IL2RA: variants seen among roughly 807,000 people sequenced by gnomAD.
IL2RA encodes the protein interleukin 2 receptor subunit alpha.
Under a neutral mutation model 37.8 loss-of-function variants are expected in IL2RA, and 24 were observed. The ratio of observed to expected loss-of-function variants is 0.63; its 90% CI spans 0.46 to 0.89. IL2RA has a LOEUF of 0.89. Ranked by LOEUF, IL2RA falls within the 40% of genes least tolerant of loss-of-function variation. The pLI is 0.00. For synonymous variants in IL2RA, 125 were observed against 114.6 expected (o/e 1.09, Z -0.58); for missense variants, 319 against 348.6 (o/e 0.92, Z 0.68).
At chr10:6,055,703 T>C (rs1840032211) in intron 1 of IL2RA, among the ~76,000 whole-genome samples, 1 of 33,002 alleles carries the variant, frequency 3.0e-5, no homozygotes, top group African/African-American at 5.3e-5. Flanking sequence ...TGGCCCGCTC[T>C]CAATGAGCTG....
Position 6,029,545 on chromosome 10 carries a change from A to C in IL2RA, c.65-3520T>G, listed in dbSNP as rs2132864666. 6.6e-6 allele frequency among the ~76,000 whole-genome samples: 1 copy of C among 152,326 alleles called. No individual in the cohort carries two copies. The highest frequency in any genetic ancestry group is 1.5e-5 in the Non-Finnish European group (1 of 68,026). On this transcript the variant is annotated intron_variant, in intron 1 of 7. Transcript: ENST00000379959. This position sits in a 1 kb window ranked among gnomAD's most constrained non-coding sequence, Gnocchi z 4.6. Reference sequence around the variant, plus strand: ...TTTTGTCTATGGCTGCTTTTCTGCTATAATGGCAGAGTTGAGTAGTTGCAG... The same window carrying C: ...TTTTGTCTATGGCTGCTTTTCTGCTCTAATGGCAGAGTTGAGTAGTTGCAG...
At chr10:6,024,577 C>T (rs542794203) in intron 2 of IL2RA, among the ~76,000 whole-genome samples, 49 of 152,152 alleles carry the variant, frequency 3.2e-4, no homozygotes, top group African/African-American at 1.1e-3. Flanking sequence ...TGTTTTTGAG[C>T]GTGTGTATAC....
At position 6,024,318 on chromosome 10, in the gene IL2RA, G is replaced by T. The variant is rs1464908758; in HGVS notation, c.293C>A (p.Pro98His). ...RNTTKQVTPQ[P>H]EEQKERKTTE... ...GGTTTTCCTTTCTTTCTGTTCTTCA[G>T]GTTGAGGTGTCACTTGTTTCGTTGT... Residue 98 changes from proline to histidine, a missense_variant, in exon 3 of 8, where the codon CCT becomes CAT. By Grantham distance (77) the Pro-to-His change is moderately conservative. Transcript: ENST00000379959. 1.2e-6 allele frequency: 2 copies of T among 1,614,110 alleles called. No individual in the cohort carries two copies. The highest frequency in any genetic ancestry group is 3.3e-5 in the Admixed American group (2 of 60,022).
Position 6,047,178 on chromosome 10 carries a change from G to A in IL2RA, c.64+14910C>T, listed in dbSNP as rs1839875576. Among the ~76,000 whole-genome samples, 1 of 152,224 alleles carries A rather than the reference G, an allele frequency of 6.6e-6. No individual in the cohort carries two copies. The highest frequency in any genetic ancestry group is 2.1e-4 in the South Asian group (1 of 4,830). ...GAGGAGGTGCTGAACCCTTGCTGAT[G>A]TGCAGAAGGGGTTAATCAGACCATG... On this transcript the variant is annotated intron_variant, in intron 1 of 7. Coordinates refer to ENST00000379959, the MANE Select transcript of IL2RA (RefSeq NM_000417.3). This position sits in a 1 kb window ranked among gnomAD's most constrained non-coding sequence, Gnocchi z 5.0.
At chr10:6,019,596 C>A in intron 5 of IL2RA, 97 bp from the exon 6 acceptor site, 1 of 956,554 alleles carries the variant, frequency 1.0e-6, no homozygotes, top group South Asian at 1.3e-5. Context: ...ATGAGAAGCT[C>A]AGAGGCTGGT....
chr10:6,020,099 C>T lies in IL2RA; in HGVS notation c.584-158G>A, dbSNP rs1020866512. 1.3e-5 allele frequency among the ~76,000 whole-genome samples: 2 copies of T among 152,292 alleles called. No homozygotes were observed. Among genetic ancestry groups the T allele is most frequent in the East Asian group, 1.9e-4 (1 of 5,182 alleles). On this transcript the variant is annotated intron_variant, in intron 4 of 7. Coordinates refer to ENST00000379959, the MANE Select transcript of IL2RA (RefSeq NM_000417.3). The surrounding 1 kb of genome is among the most constrained non-coding windows in gnomAD (Gnocchi z 5.6). The stretch of plus-strand genomic sequence containing the variant: ...AGGGATGCCACCCCTCATGGTTCCA[C>T]AGCAGGGGCACTGGGAAGCGGTGAA...
Position 6,035,037 on chromosome 10 carries a change from G to C in IL2RA, c.65-9012C>G, listed in dbSNP as rs533660105. Among the ~76,000 whole-genome samples, 1 of 152,338 alleles carries C rather than the reference G, an allele frequency of 6.6e-6. No homozygotes were observed. The highest frequency in any genetic ancestry group is 1.9e-4 in the East Asian group (1 of 5,186). The stretch of plus-strand genomic sequence containing the variant: ...GATGATCAATTCGGGAGTTGGAGGT[G>C]GGGGTGTAGGGTGGTAAACACTCAA... On this transcript the variant is annotated intron_variant, in intron 1 of 7. Coordinates refer to ENST00000379959, the MANE Select transcript of IL2RA (RefSeq NM_000417.3). This position sits in a 1 kb window ranked among gnomAD's most constrained non-coding sequence, Gnocchi z 5.4.
chr10:6,061,302 G>A (rs41294931), intron 1 of IL2RA, among the ~76,000 whole-genome samples: 2,154 of 151,946 alleles, frequency 0.014, 48 homozygotes, highest in South Asian at 0.099. Flanking sequence ...TGGGAGGATC[G>A]CTAAGCCTGG....
chr10:6,048,418 A>G lies in IL2RA; in HGVS notation c.64+13670T>C, dbSNP rs1199422861. Among the ~76,000 whole-genome samples, 1 of 152,172 alleles carries G rather than the reference A, an allele frequency of 6.6e-6. No homozygotes were observed. Among genetic ancestry groups the G allele is most frequent in the South Asian group, 2.1e-4 (1 of 4,832 alleles). The stretch of plus-strand genomic sequence containing the variant: ...AGGGAGGACAGTTCTGGATGTGTAG[A>G]CTGAGCAGCCTGTGAGGCATCCACA... On this transcript the variant is annotated intron_variant, in intron 1 of 7. Transcript: ENST00000379959. The surrounding 1 kb of genome is among the most constrained non-coding windows in gnomAD (Gnocchi z 5.3).
At chr10:6,031,483 T>C (rs1480969654) in intron 1 of IL2RA, among the ~76,000 whole-genome samples, 1 of 32,014 alleles carries the variant, frequency 3.1e-5, no homozygotes, top group African/African-American at 1.4e-4. Context: ...TATATATATA[T>C]ATATATATAT....
intron 1 of IL2RA, among the ~76,000 whole-genome samples, chr10:6,041,617 A>G (rs1169327290): frequency 6.6e-6 from 1 of 152,198 alleles, no homozygotes; most frequent in African/African-American, 2.4e-5. Context: ...AATATAAATC[A>G]ATTAAGCTTG....
chr10:6,045,770 G>A (rs1839843792), intron 1 of IL2RA, among the ~76,000 whole-genome samples: 1 of 152,182 alleles, frequency 6.6e-6, no homozygotes, highest in Admixed American at 6.5e-5. Flanking sequence ...AGAAACTGGA[G>A]CGAGGAGCTG....
At chr10:6,031,455 CATATATAT>C (rs869288057) in intron 1 of IL2RA, among the ~76,000 whole-genome samples, 5 of 67,176 alleles carry the variant, frequency 7.4e-5, no homozygotes, top group African/African-American at 3.3e-4. Flanking sequence ...TATATATATA[CATATATAT>C]ATATATATAT....
chr10:6,047,325 G>A lies in IL2RA; in HGVS notation c.64+14763C>T, dbSNP rs780032806. Among the ~76,000 whole-genome samples the A allele has an allele frequency of 2.7e-4, 41 of 152,186 alleles. No individual in the cohort carries two copies. Among genetic ancestry groups the A allele is most frequent in the African/African-American group, 7.7e-4 (32 of 41,448 alleles). ...GTGTGGCCTGTGCCACACTCAGAAC[G>A]CGGGATGAACATAGAGGAAACACTA... is the stretch of plus-strand genomic sequence containing the variant. On this transcript the variant is annotated intron_variant, in intron 1 of 7. Transcript: ENST00000379959. This position sits in a 1 kb window ranked among gnomAD's most constrained non-coding sequence, Gnocchi z 5.0.
chr10:6,024,468 G>C, intron 2 of IL2RA, 114 bp from the exon 3 acceptor site: 1 of 775,166 alleles, frequency 1.3e-6, no homozygotes, highest in Non-Finnish European at 2.2e-6. Context: ...CGATGTGTCT[G>C]GTGGTGTCTG....
At chr10:6,051,846 A>T (rs1379527775) in intron 1 of IL2RA, among the ~76,000 whole-genome samples, 120 of 15,352 alleles carry the variant, frequency 7.8e-3, no homozygotes, top group East Asian at 0.016. Flanking sequence ...TATATATAGA[A>T]TTTTTTAAGG....
chr10:6,020,010 T>C lies in IL2RA; in HGVS notation c.584-69A>G. On this transcript the variant is annotated intron_variant, in intron 4 of 7. Transcript: ENST00000379959. This position sits in a 1 kb window ranked among gnomAD's most constrained non-coding sequence, Gnocchi z 5.6. ...GTCAGGGCCTCACTCCCACCCCGCCTGCCCCAGGCAGCCGGCCCCAGACAC... is the reference window on the plus strand; with the variant it reads ...GTCAGGGCCTCACTCCCACCCCGCCCGCCCCAGGCAGCCGGCCCCAGACAC... 1 of 1,378,708 alleles carries C rather than the reference T, an allele frequency of 7.3e-7. No homozygotes were observed. Among genetic ancestry groups the C allele is most frequent in the Non-Finnish European group, 1.0e-6 (1 of 966,548 alleles). 85.4% of individuals were successfully genotyped at this position (1,378,708 alleles called of 1,614,324 possible). A position where few individuals can be genotyped will look rare whatever the true frequency, so the allele number is the denominator to read the frequency against.
rs114437515 is a variant in IL2RA, at chr10:6,021,029, C to G, written c.583+449G>C. 1.3e-5 allele frequency among the ~76,000 whole-genome samples: 2 copies of G among 152,014 alleles called. No homozygotes were observed. The highest frequency in any genetic ancestry group is 2.4e-5 in the African/African-American group (1 of 41,380). Reference sequence around the variant, plus strand: ...TTACAAGCTCAGCTGGGGAATGGCACAAGGGGAAGGAACATGCTGACCGTG... The same window carrying G: ...TTACAAGCTCAGCTGGGGAATGGCAGAAGGGGAAGGAACATGCTGACCGTG... On this transcript the variant is annotated intron_variant, in intron 4 of 7. Transcript: ENST00000379959. This position sits in a 1 kb window ranked among gnomAD's most constrained non-coding sequence, Gnocchi z 4.9.
chr10:6,026,329 G>A (rs900721345), intron 1 of IL2RA, among the ~76,000 whole-genome samples: 1 of 152,194 alleles, frequency 6.6e-6, no homozygotes, highest in Non-Finnish European at 1.5e-5. Flanking sequence ...TATGGAGAGA[G>A]GAGGGTCAAG....
Sources: allele counts gnomAD v4.1 joint callset (sites outside exome capture counted in the v4.1 genomes callset), GRCh38; gene constraint gnomAD v4.1.1; non-coding constraint Gnocchi (gnomAD v3.1); transcripts MANE v1.5; gene names NCBI Gene and HGNC (gene_info 2026-07-23, HGNC 2026-07-21).